The following SEZ6 variants were observed in gnomAD, a reference collection of about 807,000 sequenced individuals.
SEZ6 encodes the protein seizure protein 6 homolog.
In SEZ6, 53 loss-of-function variants were observed where a neutral mutation model predicts 101.0. That is an observed-to-expected ratio of 0.52 (90% CI 0.42 to 0.66). SEZ6 has a LOEUF of 0.66. Among genes scored for constraint, SEZ6 ranks in the 30% least tolerant of loss-of-function variants. SEZ6 has a pLI of 0.00. For missense variants in SEZ6, 1,102 were observed against 1,289.4 expected (o/e 0.85, Z 2.23); for synonymous variants, 488 against 512.2 (o/e 0.95, Z 0.64).
At chr17:28,985,897 C>G (rs1183393590) in intron 1 of SEZ6, among the ~76,000 whole-genome samples, 1 of 152,234 alleles carries the variant, frequency 6.6e-6, no homozygotes, top group Non-Finnish European at 1.5e-5. Context: ...ACTTGCCAGG[C>G]CCACCTGGTG....
At chr17:28,990,193 T>G (rs531209578) in intron 1 of SEZ6, among the ~76,000 whole-genome samples, 1 of 152,346 alleles carries the variant, frequency 6.6e-6, no homozygotes, top group East Asian at 1.9e-4. Flanking sequence ...TCACAAGATT[T>G]GCAACTTTCC....
intron 3 of SEZ6, among the ~76,000 whole-genome samples, chr17:28,971,392 A>T (rs2041149448): frequency 6.6e-6 from 1 of 152,116 alleles, no homozygotes. Context: ...CAGGATTTCA[A>T]GACCAGCCTG....
intron 1 of SEZ6, among the ~76,000 whole-genome samples, chr17:29,004,673 TCA>T (rs1227923283): frequency 6.6e-6 from 1 of 152,120 alleles, no homozygotes; most frequent in Non-Finnish European, 1.5e-5. Flanking sequence ...ACTCCCACCC[TCA>T]CACTTCACAT....
At chr17:28,961,033 TG>T in intron 5 of SEZ6, 60 bp from the exon 6 acceptor site, 1 of 1,559,426 alleles carries the variant, frequency 6.4e-7, no homozygotes, top group Non-Finnish European at 8.7e-7. Context: ...CAGCCTAACA[TG>T]CCTTCCTCCC....
intron 1 of SEZ6, among the ~76,000 whole-genome samples, chr17:28,983,809 G>A (rs1431915982): frequency 6.6e-6 from 1 of 152,080 alleles, no homozygotes; most frequent in Admixed American, 6.5e-5. Context: ...GGAGAAGGTC[G>A]CTTCCTCCGC....
chr17:28,971,060 T>C (rs547362716), intron 3 of SEZ6, among the ~76,000 whole-genome samples: 16 of 152,198 alleles, frequency 1.1e-4, no homozygotes, highest in Non-Finnish European at 2.1e-4. Context: ...AAACAAGGAT[T>C]GGACAACGAC....
At chr17:28,956,058 G>C in intron 16 of SEZ6, 64 bp from the exon 17 acceptor site, 1 of 1,604,344 alleles carries the variant, frequency 6.2e-7, no homozygotes, top group Non-Finnish European at 8.5e-7. Flanking sequence ...CTAGGAAAAG[G>C]GAAAAAGTGA....
In SEZ6 at chr17:28,955,637, G is replaced by A. The variant is rs1282495467; in HGVS notation, c.*325C>T. On this transcript the variant is annotated 3_prime_UTR_variant, in exon 17 of 17. Transcript: ENST00000317338. ...GGAGAAAGGTACTCCTGCTCTGCTA[G>A]TGTGTTCCAGGCTGGTCCAGGGCAT... 1.7e-6 allele frequency: 1 copy of A among 581,252 alleles called. No individual in the cohort carries two copies. Among genetic ancestry groups the A allele is most frequent in the Non-Finnish European group, 3.3e-6 (1 of 307,296 alleles). 36.0% of individuals were successfully genotyped at this position (581,252 alleles called of 1,614,324 possible). A position where few individuals can be genotyped will look rare whatever the true frequency, so the allele number is the denominator to read the frequency against.
chr17:29,001,355 T>A (rs754782237), intron 1 of SEZ6, among the ~76,000 whole-genome samples: 84 of 152,282 alleles, frequency 5.5e-4, no homozygotes, highest in Non-Finnish European at 6.0e-4. Context: ...TGCTGGAGCA[T>A]CAAGCAACCA....
chr17:28,981,722 C>A lies in SEZ6; in HGVS notation c.373G>T (p.Ala125Ser). ...SRPVFTSPTP[A>S]MAAVPTQPQS... Reference sequence around the variant, plus strand: ...GGCTGAGTGGGTACCGCAGCCATGGCTGGAGTGGGGCTGGTAAAGACAGGG... The same window carrying A: ...GGCTGAGTGGGTACCGCAGCCATGGATGGAGTGGGGCTGGTAAAGACAGGG... Residue 125 changes from alanine to serine, a missense_variant, in exon 2 of 17, where the codon GCC becomes TCC. By Grantham distance (99) the Ala-to-Ser change is moderately conservative (BLOSUM62 1). Transcript: ENST00000317338. 1 of 1,598,472 alleles carries A rather than the reference C, an allele frequency of 6.3e-7. No individual in the cohort carries two copies. The highest frequency in any genetic ancestry group is 8.6e-7 in the Non-Finnish European group (1 of 1,168,854).
chr17:28,990,533 G>A (rs2041442481), intron 1 of SEZ6, among the ~76,000 whole-genome samples: 2 of 152,124 alleles, frequency 1.3e-5, no homozygotes, highest in Non-Finnish European at 2.9e-5. Context: ...CCAAAGTGCT[G>A]GGATTACAGG....
At chr17:28,992,902 C>T (rs2041485091) in intron 1 of SEZ6, among the ~76,000 whole-genome samples, 1 of 152,116 alleles carries the variant, frequency 6.6e-6, no homozygotes, top group Non-Finnish European at 1.5e-5. Flanking sequence ...ACCTGCTGCA[C>T]TCTACACCGT....
At chr17:28,964,175 G>C in intron 4 of SEZ6, 28 bp from the exon 5 acceptor site, 1 of 1,169,116 alleles carries the variant, frequency 8.6e-7, no homozygotes, top group Non-Finnish European at 1.2e-6. Context: ...GTGACACTGT[G>C]TATGTGTGCA....
intron 3 of SEZ6, among the ~76,000 whole-genome samples, chr17:28,973,076 A>C (rs1023687630): frequency 1.5e-4 from 23 of 152,218 alleles, no homozygotes; most frequent in African/African-American, 5.5e-4. Flanking sequence ...CTGTAGCGAC[A>C]GAGTAACAAC....
At chr17:28,983,009 C>T (rs190706940) in intron 1 of SEZ6, among the ~76,000 whole-genome samples, 8 of 152,296 alleles carry the variant, frequency 5.3e-5, no homozygotes, top group African/African-American at 9.6e-5. Flanking sequence ...AGTTTCTCTC[C>T]GTTCTCAGGA....
Position 28,955,863 on chromosome 17 carries a change from A to C in SEZ6, c.*99T>G. ...GCATCTCCTCCTAGGTGGTATATAC[A>C]GGAGGTGGAGGGACAGCAGGAAGCA... On this transcript the variant is annotated 3_prime_UTR_variant, in exon 17 of 17. Transcript: ENST00000317338. 4 of 1,347,634 alleles carry C rather than the reference A, an allele frequency of 3.0e-6. No homozygotes were observed. Among genetic ancestry groups the C allele is most frequent in the Non-Finnish European group, 4.2e-6 (4 of 960,044 alleles). 83.5% of individuals were successfully genotyped at this position (1,347,634 alleles called of 1,614,324 possible).
chr17:28,967,506 G>A (rs1164172259), intron 4 of SEZ6, among the ~76,000 whole-genome samples: 1 of 152,204 alleles, frequency 6.6e-6, no homozygotes, highest in East Asian at 1.9e-4. Flanking sequence ...CCTGCTCTGG[G>A]TGGTTGTCCA....
At position 28,981,544 on chromosome 17, in the gene SEZ6, G is replaced by A. The variant is rs770356642; in HGVS notation, c.551C>T (p.Thr184Ile). 2 of 1,612,716 alleles carry A rather than the reference G, an allele frequency of 1.2e-6. No homozygotes were observed. Among genetic ancestry groups the A allele is most frequent in the Admixed American group, 1.7e-5 (1 of 59,798 alleles). Reference sequence around the variant, plus strand: ...TCCCATGTCTCCAGGACCCTCTTGGGTTGGTGTCCAGGCTCTGCTGGGGGG... The same window carrying A: ...TCCCATGTCTCCAGGACCCTCTTGGATTGGTGTCCAGGCTCTGCTGGGGGG... ...TTPPSRAWTP[T>I]QEGPGDMGRP... The change falls in exon 2 of 17, where the codon ACC becomes ATC. Residue 184 changes from threonine (T) to isoleucine (I), a missense_variant. Thr to Ile is a moderately conservative substitution (Grantham distance 89). This residue lies in a region of SEZ6 where 406 missense variants were observed against 418.6 expected (regional missense o/e 0.97). Transcript: ENST00000317338.
At chr17:28,991,436 C>T (rs2041455822) in intron 1 of SEZ6, among the ~76,000 whole-genome samples, 1 of 152,182 alleles carries the variant, frequency 6.6e-6, no homozygotes, top group Non-Finnish European at 1.5e-5. Flanking sequence ...GAACTCCTGA[C>T]CTCAGGTGAT....
Sources: gnomAD v4.1 joint callset for allele counts (sites outside exome capture counted in the v4.1 genomes callset) on GRCh38, gnomAD v4.1.1 for gene constraint, gnomAD v4.1.1 regional missense constraint, MANE v1.5 for transcripts, NCBI Gene and HGNC (gene_info 2026-07-23, HGNC 2026-07-21) for gene names.